The following PGS1 variants were observed in gnomAD, a reference collection of about 807,000 sequenced individuals.
PGS1 encodes CDP-diacylglycerol--glycerol-3-phosphate 3-phosphatidyltransferase, mitochondrial.
In PGS1, 44 loss-of-function variants were observed where a neutral mutation model predicts 58.3. The ratio of observed to expected loss-of-function variants is 0.75; its 90% CI spans 0.59 to 0.97. The LOEUF (loss-of-function observed/expected upper bound fraction) is 0.97. PGS1 is among the 50% of genes least tolerant of loss of function. PGS1 has a pLI of 0.00. For synonymous variants in PGS1, 330 were observed against 311.0 expected, an observed-to-expected ratio of 1.06 and a Z score of -0.64; for missense variants, 684 against 731.1, an observed-to-expected ratio of 0.94 and a Z score of 0.74.
Position 78,378,784 on chromosome 17 carries a change from G to A in PGS1, c.119G>A (p.Arg40Lys). The change falls in exon 1 of 10, where the codon AGG becomes AAG. Residue 40 changes from arginine to lysine, a missense_variant. By Grantham distance (26) the Arg-to-Lys change is conservative (BLOSUM62 2). Transcript: ENST00000262764. Reference sequence around the variant, plus strand: ...GGACGCCTGTCCGACCGCCTCGGCAGGAACCGGGACCGCCAGCGCAGGAGG... The same window carrying A: ...GGACGCCTGTCCGACCGCCTCGGCAAGAACCGGGACCGCCAGCGCAGGAGG... The part of the protein sequence containing the change: ...LLGRLSDRLG[R>K]NRDRQRRRSP... The A allele has an allele frequency of 6.7e-7, 1 of 1,485,370 alleles. No homozygotes were observed. Among genetic ancestry groups the A allele is most frequent in the Non-Finnish European group, 8.9e-7 (1 of 1,125,216 alleles). 92.0% of individuals were successfully genotyped at this position (1,485,370 alleles called of 1,614,324 possible).
intron 1 of PGS1, chr17:78,382,791 C>G: frequency 6.6e-6 from 1 of 151,796 alleles, no homozygotes; most frequent in South Asian, 2.1e-4. Flanking sequence ...TACAGGTGCC[C>G]GCCACCACCC....
rs1029790333 is a variant in PGS1, at chr17:78,389,121, G to C, written c.144-3355G>C. ...TCTCTCACCCAGGTTGGAGTGCAATGGTGTGATCTCGGCTCACTGCAACCT... is the reference window on the plus strand; with the variant it reads ...TCTCTCACCCAGGTTGGAGTGCAATCGTGTGATCTCGGCTCACTGCAACCT... On this transcript the variant is annotated intron_variant, in intron 1 of 9. Transcript: ENST00000262764. 2.2e-5 allele frequency among the ~76,000 whole-genome samples: 3 copies of C among 136,822 alleles called. No individual in the cohort carries two copies. The Admixed American group carries it at 2.4e-4, about 11-fold the overall frequency. 89.8% of individuals were successfully genotyped at this position (136,822 alleles called of 152,430 possible).
chr17:78,414,682 G>T (rs1567998812), intron 7 of PGS1, among the ~76,000 whole-genome samples, 197 bp from the exon 8 acceptor site: 1 of 152,174 alleles, frequency 6.6e-6, no homozygotes, highest in Non-Finnish European at 1.5e-5. Context: ...CCCTGATCCT[G>T]GGTCCCTGCT....
At chr17:78,398,145 C>A in intron 3 of PGS1, 107 bp from the exon 4 acceptor site, 1 of 830,642 alleles carries the variant, frequency 1.2e-6, no homozygotes, top group South Asian at 1.3e-5. Flanking sequence ...ACAAACCTAT[C>A]TTTGGAGAAG....
In PGS1 at chr17:78,424,341, C is replaced by T; in HGVS notation, c.*291C>T. ...GTGATGGCCTGCATGTTGTAACTAC[C>T]CCGTCCCGCTGGGCTCAAGGAACAG... On this transcript the variant is annotated 3_prime_UTR_variant, in exon 10 of 10. Coordinates refer to ENST00000262764, the MANE Select transcript of PGS1 (RefSeq NM_024419.5). The T allele has an allele frequency of 1.5e-6, 1 of 653,718 alleles. No homozygotes were observed. The highest frequency in any genetic ancestry group is 2.5e-6 in the Non-Finnish European group (1 of 399,696). The allele number at this position is 653,718 out of a possible 1,614,324, so 40.5% of individuals were successfully genotyped here.
At chr17:78,419,701 G>T in intron 9 of PGS1, 26 bp downstream of exon 9, 1 of 1,611,194 alleles carries the variant, frequency 6.2e-7, no homozygotes. Flanking sequence ...TCACCTCTCA[G>T]CACGATTTTC....
chr17:78,399,009 G>A (rs1183711753), intron 4 of PGS1, among the ~76,000 whole-genome samples: 1 of 152,250 alleles, frequency 6.6e-6, no homozygotes. Flanking sequence ...GAGGGGCAAG[G>A]TGGGTAGGGT....
At chr17:78,385,157 C>T (rs1329037988) in intron 1 of PGS1, among the ~76,000 whole-genome samples, 7 of 152,184 alleles carry the variant, frequency 4.6e-5, no homozygotes, top group Admixed American at 1.3e-4. Context: ...CTTGCTCTGT[C>T]GCCCAGGCTG....
chr17:78,423,836 A>G, intron 9 of PGS1: 5 of 1,569,910 alleles, frequency 3.2e-6, no homozygotes, highest in Non-Finnish European at 4.3e-6. Context: ...AGAATAAGTC[A>G]CAGGTGCACA....
At position 78,391,100 on chromosome 17, in the gene PGS1, C is replaced by T. The variant is rs80110469; in HGVS notation, c.144-1376C>T. On this transcript the variant is annotated intron_variant, in intron 1 of 9. Transcript: ENST00000262764. Reference sequence around the variant, plus strand: ...GGATAACAGGCATCTGCATCATGCCCGGCTAATTTTTTTGTATTTTTATTT... The same window carrying T: ...GGATAACAGGCATCTGCATCATGCCTGGCTAATTTTTTTGTATTTTTATTT... 1.4e-4 allele frequency among the ~76,000 whole-genome samples: 21 copies of T among 152,194 alleles called. No individual in the cohort carries two copies. The East Asian group carries it at 2.9e-3, about 21-fold the overall frequency.
At chr17:78,411,629 C>G (rs761567354) in intron 7 of PGS1, among the ~76,000 whole-genome samples, 2 of 152,220 alleles carry the variant, frequency 1.3e-5, no homozygotes, top group Non-Finnish European at 2.9e-5. Flanking sequence ...CCCAGGCTAT[C>G]GTTCCTGCTG....
At position 78,392,007 on chromosome 17, in the gene PGS1, C is replaced by T. The variant is rs532749163; in HGVS notation, c.144-469C>T. 3.3e-5 allele frequency among the ~76,000 whole-genome samples: 5 copies of T among 152,246 alleles called. No homozygotes were observed. In the South Asian group the frequency reaches 6.2e-4, roughly 19 times the overall value. On this transcript the variant is annotated intron_variant, in intron 1 of 9. Transcript: ENST00000262764. The stretch of plus-strand genomic sequence containing the variant: ...CTTGTTTATCTCATGAGTCATAAAG[C>T]GGGGCATCTGGGCTGTAATCATCAG...
At chr17:78,419,737 GGTT>G in intron 9 of PGS1, 62 bp downstream of exon 9, 1 of 1,600,048 alleles carries the variant, frequency 6.2e-7, no homozygotes. Context: ...TGGGGCAGGT[GGTT>G]GTTCTGACTC....
intron 2 of PGS1, among the ~76,000 whole-genome samples, chr17:78,393,618 TGAA>T (rs2082997644): frequency 1.3e-5 from 2 of 152,184 alleles, no homozygotes; most frequent in African/African-American, 4.8e-5. Context: ...TTGATATGCA[TGAA>T]GAGGCCTTTC....
chr17:78,379,875 C>CTT (rs141604982), intron 1 of PGS1, among the ~76,000 whole-genome samples: 7 of 146,750 alleles, frequency 4.8e-5, no homozygotes, highest in African/African-American at 1.3e-4. Context: ...CTTTTCTTTT[C>CTT]TTTTTTTTTT....
chr17:78,416,312 G>T (rs959495110), intron 8 of PGS1, among the ~76,000 whole-genome samples: 2 of 152,380 alleles, frequency 1.3e-5, no homozygotes, highest in Non-Finnish European at 2.9e-5. Flanking sequence ...AGGCTAGTGG[G>T]AAAGACCTGA....
chr17:78,418,885 C>T (rs2085443482), intron 8 of PGS1, among the ~76,000 whole-genome samples: 1 of 152,180 alleles, frequency 6.6e-6, no homozygotes, highest in Non-Finnish European at 1.5e-5. Context: ...AAAAATACCT[C>T]ATTTTAATAT....
chr17:78,410,611 T>C (rs12942811), intron 7 of PGS1, among the ~76,000 whole-genome samples: 88,956 of 150,818 alleles, frequency 0.59, 28,028 homozygotes, highest in Admixed American at 0.7. Context: ...GTAGCTGGGA[T>C]TACAGGCACG....
At chr17:78,380,606 G>A (rs759986907) in intron 1 of PGS1, among the ~76,000 whole-genome samples, 1 of 152,186 alleles carries the variant, frequency 6.6e-6, no homozygotes, top group African/African-American at 2.4e-5. Context: ...GAAGTCAGAT[G>A]ACTTCTACGT....
Sources: allele counts gnomAD v4.1 joint callset (sites outside exome capture counted in the v4.1 genomes callset), GRCh38; gene constraint gnomAD v4.1.1; transcripts MANE v1.5; gene names NCBI Gene and HGNC (gene_info 2026-07-23, HGNC 2026-07-21).